The following LOXL2 variants were observed in gnomAD, a reference collection of about 807,000 sequenced individuals.
The protein encoded by LOXL2 is lysyl oxidase like 2, also known as lysyl oxidase homolog 2.
Under a neutral mutation model 93.0 loss-of-function variants are expected in LOXL2, and 70 were observed. The observed-to-expected ratio is 0.75, with a 90% CI of 0.62 to 0.92. The LOEUF is 0.92. Among genes scored for constraint, LOXL2 ranks in the 40% least tolerant of loss-of-function variants. The probability of loss-of-function intolerance (pLI) is 0.00; values close to 1 mark genes in which losing one functional copy is unlikely to be tolerated. For synonymous variants in LOXL2, 438 were observed against 413.2 expected (o/e 1.06, Z -0.73); for missense variants, 973 against 1,054.9 (o/e 0.92, Z 1.08).
At chr8:23,399,474 C>T (rs1253213514) in intron 1 of LOXL2, among the ~76,000 whole-genome samples, 1 of 152,082 alleles carries the variant, frequency 6.6e-6, no homozygotes, top group Admixed American at 6.6e-5. Context: ...ATAGATGAAT[C>T]GGTTATCATG....
intron 2 of LOXL2, chr8:23,366,181 G>A (rs1169813240): frequency 6.6e-6 from 1 of 152,242 alleles, no homozygotes. Flanking sequence ...AGCCTGGAAT[G>A]GAAAACATGA....
chr8:23,343,209 C>A lies in LOXL2; in HGVS notation c.532-2006G>T, dbSNP rs115499785. On this transcript the variant is annotated intron_variant, in intron 3 of 13. Coordinates refer to ENST00000389131, the MANE Select transcript of LOXL2 (RefSeq NM_002318.3). ...CAGCTTCACATGGATCCACAAACAC[C>A]ATGAATTGCAGTATATAATAGCAAC... Among the ~76,000 whole-genome samples the A allele has an allele frequency of 4.6e-5, 7 of 152,320 alleles. No homozygotes were observed. The East Asian group carries it at 1.4e-3, about 29-fold the overall frequency.
At chr8:23,359,842 C>T (rs1804259283) in intron 3 of LOXL2, among the ~76,000 whole-genome samples, 1 of 152,178 alleles carries the variant, frequency 6.6e-6, no homozygotes, top group African/African-American at 2.4e-5. Context: ...CTCTGCTTAC[C>T]CCAGCCCAAC....
chr8:23,308,246 G>A (rs1435689969), intron 10 of LOXL2, among the ~76,000 whole-genome samples: 1 of 152,140 alleles, frequency 6.6e-6, no homozygotes, highest in Non-Finnish European at 1.5e-5. Context: ...TCTAGACAAC[G>A]GCTTCTCACA....
chr8:23,340,333 T>C (rs1247649663), intron 4 of LOXL2, among the ~76,000 whole-genome samples: 1 of 152,104 alleles, frequency 6.6e-6, no homozygotes, highest in Non-Finnish European at 1.5e-5. Flanking sequence ...CAACCAAGTA[T>C]ACCCCAAGTA....
At chr8:23,299,563 A>G (rs940574979) in intron 12 of LOXL2, among the ~76,000 whole-genome samples, 1 of 152,186 alleles carries the variant, frequency 6.6e-6, no homozygotes, top group Admixed American at 6.5e-5. Flanking sequence ...CAGCAGGAAT[A>G]GGAAGGACAT....
At chr8:23,369,483 A>G (rs1477819082) in intron 1 of LOXL2, among the ~76,000 whole-genome samples, 1 of 152,172 alleles carries the variant, frequency 6.6e-6, no homozygotes, top group African/African-American at 2.4e-5. Flanking sequence ...GGAGTAGGCT[A>G]ATCATATTCT....
chr8:23,316,962 A>G lies in LOXL2; in HGVS notation c.1623T>C (p.Val541=). The change falls in exon 9 of 14, where the codon GTT becomes GTC. Residue 541 remains valine, a synonymous_variant. Coordinates refer to ENST00000389131, the MANE Select transcript of LOXL2 (RefSeq NM_002318.3). ...AGGAGCTCTCACTTTCTGAGCAGGC[A>G]ACTCCGGCCCCGTACTGCACTCCGC... The part of the protein sequence containing the change: ...PQGGVQYGAG[V]ACSETAPDLV... 1 of 1,592,792 alleles carries G rather than the reference A, an allele frequency of 6.3e-7. No individual in the cohort carries two copies. Among genetic ancestry groups the G allele is most frequent in the Non-Finnish European group, 8.6e-7 (1 of 1,168,504 alleles).
intron 8 of LOXL2, 137 bp from the exon 9 acceptor site, chr8:23,317,251 AC>A: frequency 1.1e-6 from 1 of 904,136 alleles, no homozygotes; most frequent in Non-Finnish European, 1.8e-6. Context: ...ACGGAGGGTC[AC>A]CTATCCAAGC....
intron 3 of LOXL2, among the ~76,000 whole-genome samples, chr8:23,350,292 T>C (rs1400898130): frequency 1.3e-5 from 2 of 152,166 alleles, no homozygotes; most frequent in African/African-American, 4.8e-5. Flanking sequence ...AAGAGGCTGC[T>C]GGGGGACTGG....
At chr8:23,377,650 T>C (rs1186820523) in intron 1 of LOXL2, among the ~76,000 whole-genome samples, 6 of 152,252 alleles carry the variant, frequency 3.9e-5, no homozygotes, top group Admixed American at 6.5e-5. Flanking sequence ...ACATTTAAGA[T>C]AGTTAGCTCT....
intron 6 of LOXL2, 87 bp from the exon 7 acceptor site, chr8:23,322,368 G>A (rs1289020564): frequency 1.7e-6 from 2 of 1,198,612 alleles, no homozygotes; most frequent in Non-Finnish European, 1.2e-6. Flanking sequence ...ATAAGAACAT[G>A]CCTCTCCCAT....
At chr8:23,333,234 T>G (rs1803733815) in intron 5 of LOXL2, among the ~76,000 whole-genome samples, 167 bp downstream of exon 5, 1 of 152,112 alleles carries the variant, frequency 6.6e-6, no homozygotes, top group African/African-American at 2.4e-5. Context: ...CTCCCCCAGG[T>G]GGTCCTTCTC....
At chr8:23,374,269 G>A (rs1312264929) in intron 1 of LOXL2, among the ~76,000 whole-genome samples, 7 of 152,070 alleles carry the variant, frequency 4.6e-5, no homozygotes, top group Admixed American at 3.3e-4. Flanking sequence ...TCCCTAAAAA[G>A]GACATGAACT....
intron 12 of LOXL2, among the ~76,000 whole-genome samples, chr8:23,300,493 G>A (rs1327977880): frequency 6.6e-6 from 1 of 152,198 alleles, no homozygotes; most frequent in African/African-American, 2.4e-5. Flanking sequence ...CAGCACCACT[G>A]ATGTCTGAAG....
intron 10 of LOXL2, among the ~76,000 whole-genome samples, chr8:23,309,350 C>T (rs1343425015): frequency 6.6e-6 from 1 of 152,148 alleles, no homozygotes; most frequent in East Asian, 1.9e-4. Context: ...AGCACACAAA[C>T]CTGTGGACAC....
intron 1 of LOXL2, among the ~76,000 whole-genome samples, chr8:23,378,329 C>T (rs1206084118): frequency 6.6e-6 from 1 of 152,144 alleles, no homozygotes; most frequent in Non-Finnish European, 1.5e-5. Context: ...TGATGGGTTT[C>T]CTTTTGTGGG....
At chr8:23,353,652 A>C (rs10104222) in intron 3 of LOXL2, among the ~76,000 whole-genome samples, 29,597 of 152,180 alleles carry the variant, frequency 0.19, 3,835 homozygotes, top group African/African-American at 0.37. Context: ...TGGATGAAAT[A>C]AACCAAGCCT....
intron 3 of LOXL2, among the ~76,000 whole-genome samples, chr8:23,357,953 A>C (rs1804226101): frequency 6.6e-6 from 1 of 152,238 alleles, no homozygotes. Context: ...TGTTGTTCCC[A>C]TTAGGTACCT....
Sources: gnomAD v4.1 joint callset for allele counts (sites outside exome capture counted in the v4.1 genomes callset) on GRCh38, gnomAD v4.1.1 for gene constraint, MANE v1.5 for transcripts, NCBI Gene and HGNC (gene_info 2026-07-23, HGNC 2026-07-21) for gene names.